Variants in DOCK9 observed in about 807,000 individuals in gnomAD.
The protein encoded by DOCK9 is dedicator of cytokinesis protein 9.
In DOCK9, 89 loss-of-function variants were observed where a neutral mutation model predicts 263.3. The observed-to-expected ratio is 0.34, with a 90% CI of 0.28 to 0.40. The LOEUF (loss-of-function observed/expected upper bound fraction) is 0.40. Among genes scored for constraint, DOCK9 ranks in the 10% least tolerant of loss-of-function variants. The pLI, the probability that DOCK9 is intolerant of heterozygous loss-of-function variation, is 1.00. For missense variants in DOCK9, 2,140 were observed against 2,603.4 expected, an observed-to-expected ratio of 0.82 and a Z score of 3.87; for synonymous variants, 976 against 973.1, an observed-to-expected ratio of 1.00 and a Z score of -0.06.
chr13:98,810,802 C>T (rs1055892911), intron 45 of DOCK9, among the ~76,000 whole-genome samples: 4 of 152,182 alleles, frequency 2.6e-5, no homozygotes, highest in African/African-American at 9.7e-5. Context: ...TACTCTGCTT[C>T]CACTAAAACC....
chr13:99,007,281 G>A (rs1455401033), intron 1 of DOCK9, among the ~76,000 whole-genome samples: 3 of 151,820 alleles, frequency 2.0e-5, no homozygotes, highest in East Asian at 3.9e-4. Flanking sequence ...CCAGCTACTC[G>A]GGAGGCTGAG....
chr13:98,876,822 G>A (rs752061360), intron 27 of DOCK9, among the ~76,000 whole-genome samples: 4 of 152,206 alleles, frequency 2.6e-5, no homozygotes, highest in Non-Finnish European at 5.9e-5. Context: ...AAGCCAGAGA[G>A]GAGTGCTCTA....
intron 34 of DOCK9, among the ~76,000 whole-genome samples, chr13:98,855,550 C>A (rs1181111683): frequency 6.6e-6 from 1 of 151,884 alleles, no homozygotes; most frequent in African/African-American, 2.4e-5. Flanking sequence ...CCAGCCTGGG[C>A]GACAGAGCGA....
Position 98,794,263 on chromosome 13 carries a change from T to A in DOCK9, c.*363A>T, listed in dbSNP as rs1456506140. ...CTCGAGGCAAAAGGTCCCCCAGGCA[T>A]CAATGTCAGTGCAGCCCTCCCTGCC... On this transcript the variant is annotated 3_prime_UTR_variant, in exon 53 of 53. Transcript: ENST00000682017. 4.8e-6 allele frequency: 1 copy of A among 206,680 alleles called. No homozygotes were observed. Among genetic ancestry groups the A allele is most frequent in the Non-Finnish European group, 9.6e-6 (1 of 104,160 alleles). The allele number at this position is 206,680 out of a possible 1,614,324, so 12.8% of individuals were successfully genotyped here. A position where few individuals can be genotyped will look rare whatever the true frequency, so the allele number is the denominator to read the frequency against.
At chr13:98,890,393 A>G (rs2046435302) in intron 15 of DOCK9, among the ~76,000 whole-genome samples, 1 of 152,136 alleles carries the variant, frequency 6.6e-6, no homozygotes, top group Non-Finnish European at 1.5e-5. Context: ...ACAGGCTACC[A>G]CAGCACCCAC....
intron 1 of DOCK9, among the ~76,000 whole-genome samples, chr13:99,067,337 G>C (rs868779119): frequency 2.6e-5 from 4 of 152,144 alleles, no homozygotes; most frequent in African/African-American, 4.8e-5. Context: ...ATTTTTCTCT[G>C]CTAACATCAT....
At chr13:98,863,839 T>C (rs1245773549) in intron 30 of DOCK9, among the ~76,000 whole-genome samples, 1 of 152,216 alleles carries the variant, frequency 6.6e-6, no homozygotes, top group African/African-American at 2.4e-5. Context: ...ACAGTTTAAG[T>C]ACCAATTTTT....
upstream of DOCK9, among the ~76,000 whole-genome samples, chr13:98,979,953 G>C (rs9557108): frequency 0.15 from 22,589 of 152,226 alleles, 2,414 homozygotes; most frequent in East Asian, 0.43. Context: ...AAATAGTCCA[G>C]TTCTTCCTCA....
intron 2 of DOCK9, among the ~76,000 whole-genome samples, chr13:98,941,262 G>A (rs1041180680): frequency 6.6e-6 from 1 of 152,198 alleles, no homozygotes; most frequent in Non-Finnish European, 1.5e-5. Flanking sequence ...ATGTTGCTGA[G>A]TAAATGGGAA....
At chr13:99,035,523 G>T (rs911157146) in intron 1 of DOCK9, among the ~76,000 whole-genome samples, 2 of 152,172 alleles carry the variant, frequency 1.3e-5, no homozygotes, top group African/African-American at 4.8e-5. Flanking sequence ...ACTTAAATGG[G>T]AAGGAGTACA....
At chr13:98,950,141 G>T in intron 2 of DOCK9, 1 of 592,926 alleles carries the variant, frequency 1.7e-6, no homozygotes. Context: ...ATGGTTCTCT[G>T]CACCAGTGAA....
At chr13:99,080,835 A>G (rs2042096114) in intron 1 of DOCK9, among the ~76,000 whole-genome samples, 1 of 152,100 alleles carries the variant, frequency 6.6e-6, no homozygotes, top group East Asian at 1.9e-4. Flanking sequence ...ACCTGTTTAG[A>G]TCATAAACCC....
chr13:98,915,264 C>A (rs2050702475), intron 8 of DOCK9, 65 bp downstream of exon 8: 2 of 1,527,524 alleles, frequency 1.3e-6, no homozygotes, highest in East Asian at 2.3e-5. Flanking sequence ...TTCTTATACC[C>A]ACCTGGCAAA....
rs888212758 is a variant in DOCK9, at chr13:98,862,255, C to T, written c.3579+764G>A. Among the ~76,000 whole-genome samples, 14 of 152,048 alleles carry T rather than the reference C, an allele frequency of 9.2e-5. No homozygotes were observed. The South Asian group carries it at 1.2e-3, about 14-fold the overall frequency. On this transcript the variant is annotated intron_variant, in intron 32 of 52. Coordinates refer to ENST00000682017, the MANE Select transcript of DOCK9 (RefSeq NM_001366683.2). ...GTGTGTACTGGGTTGAATAGTGTCC[C>T]GCAATAAATTCATGTCTACCTGGAC...
At chr13:98,817,100 G>T (rs1333266276) in intron 45 of DOCK9, among the ~76,000 whole-genome samples, 2 of 152,150 alleles carry the variant, frequency 1.3e-5, no homozygotes, top group African/African-American at 4.8e-5. Context: ...ATCCAAGCAA[G>T]ATATCTGTAT....
chr13:99,049,662 G>A (rs2040597258), intron 1 of DOCK9, among the ~76,000 whole-genome samples: 1 of 152,098 alleles, frequency 6.6e-6, no homozygotes, highest in African/African-American at 2.4e-5. Context: ...CCACAGGTGT[G>A]CGCCACAGCG....
intron 38 of DOCK9, among the ~76,000 whole-genome samples, chr13:98,837,914 T>C (rs1356235610): frequency 1.3e-5 from 2 of 152,336 alleles, no homozygotes; most frequent in East Asian, 3.9e-4. Flanking sequence ...TATTCTCTCA[T>C]TTAATCCCTC....
intron 1 of DOCK9, among the ~76,000 whole-genome samples, chr13:99,017,346 G>C (rs536511844): frequency 3.1e-4 from 47 of 152,266 alleles, no homozygotes; most frequent in African/African-American, 1.1e-3. Context: ...TGAGAATTCA[G>C]AAAATCTACC....
At chr13:98,796,198 G>T (rs1308673900) in intron 52 of DOCK9, 3 of 1,580,146 alleles carry the variant, frequency 1.9e-6, no homozygotes, top group East Asian at 2.3e-5. Context: ...GTTTAAAAAT[G>T]ACATTACCAT....
Sources: allele counts gnomAD v4.1 joint callset (sites outside exome capture counted in the v4.1 genomes callset), GRCh38; gene constraint gnomAD v4.1.1; transcripts MANE v1.5; gene names NCBI Gene and HGNC (gene_info 2026-07-23, HGNC 2026-07-21).